ODF2L: variants seen among roughly 807,000 people sequenced by gnomAD.
ODF2L encodes the protein outer dense fiber of sperm tails 2 like, also known as protein BCAP.
In ODF2L, 76 loss-of-function variants were observed where a neutral mutation model predicts 86.3. That is an observed-to-expected ratio of 0.88 (90% CI 0.73 to 1.07). The LOEUF is 1.07. ODF2L is among the 50% of genes least tolerant of loss of function. The pLI, the probability that ODF2L is intolerant of heterozygous loss-of-function variation, is 0.00. For synonymous variants in ODF2L, 241 were observed against 231.3 expected (o/e 1.04, Z -0.38); for missense variants, 748 against 717.4 (o/e 1.04, Z -0.49).
chr1:86,360,533 T>C (rs1658956601), exon 12 of ODF2L: 1 of 1,472,450 alleles, frequency 6.8e-7, no homozygotes, highest in Non-Finnish European at 9.4e-7. Flanking sequence ...GCAGCAAGTG[T>C]AGTCTAGCAA....
At chr1:86,372,871 A>G (rs1301069168) in intron 8 of ODF2L, among the ~76,000 whole-genome samples, 3 of 152,208 alleles carry the variant, frequency 2.0e-5, no homozygotes, top group East Asian at 1.9e-4. Context: ...TCAGGAATGG[A>G]AAACCAAATA....
At chr1:86,368,689 T>C (rs535564252) in exon 11 of ODF2L, 1 of 1,447,124 alleles carries the variant, frequency 6.9e-7, no homozygotes, top group Non-Finnish European at 9.2e-7. Flanking sequence ...ATGTTCATAT[T>C]CTTTGACTCA....
Position 86,382,924 on chromosome 1 carries a change from T to C in ODF2L, c.507+7A>G. ...GAATTAAGCTCAAAAGCTCAAATTT[T>C]GCTTACCTTTTCACTCTGAAACAAA... On this transcript the variant is annotated splice_region_variant and intron_variant, in intron 6 of 17. Coordinates refer to ENST00000317336, the Ensembl canonical transcript of ODF2L. 4.1e-6 allele frequency: 6 copies of C among 1,463,086 alleles called. No individual in the cohort carries two copies. Among genetic ancestry groups the C allele is most frequent in the Non-Finnish European group, 5.7e-6 (6 of 1,046,864 alleles). The allele number at this position is 1,463,086 out of a possible 1,614,324, so 90.6% of individuals were successfully genotyped here. A position where few individuals can be genotyped will look rare whatever the true frequency, so the allele number is the denominator to read the frequency against.
rs765561739 is a variant in ODF2L at position 86,354,697 on chromosome 1, T to C, written c.1605-5A>G. ...GCGTCCATCTGTTCTAATTTTCTTTTTACAGAAAACATATATTTTAAAATG... is the reference window on the plus strand; with the variant it reads ...GCGTCCATCTGTTCTAATTTTCTTTCTACAGAAAACATATATTTTAAAATG... On this transcript the variant is annotated splice_region_variant and splice_polypyrimidine_tract_variant and intron_variant, in intron 15 of 17. Transcript: ENST00000317336. 6.2e-7 allele frequency: 1 copy of C among 1,600,958 alleles called. No individual in the cohort carries two copies. Among genetic ancestry groups the C allele is most frequent in the South Asian group, 1.1e-5 (1 of 89,084 alleles).
chr1:86,355,340 C>G (rs1252198404), intron 14 of ODF2L: 9 of 1,522,036 alleles, frequency 5.9e-6, no homozygotes, highest in Admixed American at 3.9e-5. Context: ...CAAAGACACA[C>G]TCACCCATGC....
chr1:86,390,839 C>G (rs971077428), intron 1 of ODF2L, among the ~76,000 whole-genome samples: 1 of 152,122 alleles, frequency 6.6e-6, no homozygotes, highest in African/African-American at 2.4e-5. Context: ...CCAGAGCAAT[C>G]AGAGAAGAGA....
chr1:86,396,280 A>G (rs1314150409), exon 1 of ODF2L: 1 of 152,346 alleles, frequency 6.6e-6, no homozygotes, highest in Non-Finnish European at 1.5e-5. Flanking sequence ...GTGCCCGCTC[A>G]AGTGGAACAA....
In ODF2L at chr1:86,354,924, T is replaced by A. The variant is rs952677340; in HGVS notation, c.1519-65A>T. On this transcript the variant is annotated intron_variant, in intron 14 of 17. Coordinates refer to ENST00000317336, the Ensembl canonical transcript of ODF2L. ...CAATCAACTTCCAAAGAAATCCATATAATTTATTGTTAGAACAACCACAAG... is the reference window on the plus strand; with the variant it reads ...CAATCAACTTCCAAAGAAATCCATAAAATTTATTGTTAGAACAACCACAAG... The A allele has an allele frequency of 5.7e-6, 5 of 879,366 alleles. No individual in the cohort carries two copies. The East Asian group carries it at 7.4e-5, about 13-fold the overall frequency. 54.5% of individuals were successfully genotyped at this position (879,366 alleles called of 1,614,324 possible).
exon 5 of ODF2L, chr1:86,383,143 A>G (rs201807990): frequency 3.2e-6 from 5 of 1,567,284 alleles, no homozygotes; most frequent in Non-Finnish European, 4.4e-6. Flanking sequence ...CAGTATTTTC[A>G]CTTTCATTAT....
At chr1:86,355,243 A>G in intron 14 of ODF2L, 1 of 777,172 alleles carries the variant, frequency 1.3e-6, no homozygotes, top group South Asian at 1.8e-5. Context: ...TTTCACCTAA[A>G]AATACTGATT....
chr1:86,382,882 G>A, intron 6 of ODF2L, 49 bp downstream of exon 6: 1 of 864,846 alleles, frequency 1.2e-6, no homozygotes, highest in Non-Finnish European at 1.9e-6. Flanking sequence ...AAAAAAGGGA[G>A]TCAATATTAA....
At chr1:86,385,681 T>A in intron 2 of ODF2L, 91 bp from the exon 3 acceptor site, 1 of 893,948 alleles carries the variant, frequency 1.1e-6, no homozygotes, top group South Asian at 1.9e-5. Flanking sequence ...ACAGTACTCT[T>A]AATAGCAAGG....
At chr1:86,373,763 C>G (rs969048947) in intron 8 of ODF2L, among the ~76,000 whole-genome samples, 1 of 152,074 alleles carries the variant, frequency 6.6e-6, no homozygotes, top group South Asian at 2.1e-4. Context: ...GCTATAATGA[C>G]GCCAAGATCT....
intron 10 of ODF2L, among the ~76,000 whole-genome samples, chr1:86,370,109 AAAAC>A (rs1659694847): frequency 6.6e-6 from 1 of 152,044 alleles, no homozygotes; most frequent in African/African-American, 2.4e-5. Flanking sequence ...CAAACAAAGA[AAAAC>A]AAACCTTAAA....
At chr1:86,385,176 T>A (rs984066275) in intron 3 of ODF2L, among the ~76,000 whole-genome samples, 1 of 151,958 alleles carries the variant, frequency 6.6e-6, no homozygotes, top group Admixed American at 6.6e-5. Context: ...TAGTTTAAAA[T>A]TCACTCTTAA....
chr1:86,382,866 T>TG (rs2101311256), intron 6 of ODF2L, 65 bp downstream of exon 6: 2 of 790,430 alleles, frequency 2.5e-6, no homozygotes, highest in African/African-American at 1.7e-5. Context: ...GGGGCCAGGA[T>TG]GGGAAAAAAA....
chr1:86,383,160 G>A, exon 5 of ODF2L: 2 of 1,580,934 alleles, frequency 1.3e-6, no homozygotes, highest in Non-Finnish European at 1.7e-6. Flanking sequence ...TTATCAGTTA[G>A]ATTTTCTAGC....
exon 18 of ODF2L, chr1:86,351,448 C>G (rs1164387756): frequency 1.3e-5 from 2 of 152,124 alleles, no homozygotes; most frequent in Non-Finnish European, 2.9e-5. Flanking sequence ...TTCCATTGGT[C>G]TATATATCTG....
At chr1:86,386,066 A>C (rs1660933914) in intron 2 of ODF2L, 1 of 152,748 alleles carries the variant, frequency 6.5e-6, no homozygotes, top group Non-Finnish European at 1.5e-5. Flanking sequence ...GCAGAAAGTC[A>C]AGTGTGATTA....
Sources: gnomAD v4.1 joint callset for allele counts (sites outside exome capture counted in the v4.1 genomes callset) on GRCh38, gnomAD v4.1.1 for gene constraint, MANE v1.5 for transcripts, NCBI Gene and HGNC (gene_info 2026-07-23, HGNC 2026-07-21) for gene names.